The following CSMD3 variants were observed in gnomAD, a reference collection of about 807,000 sequenced individuals.
CSMD3 encodes the protein CUB and Sushi multiple domains 3, also known as CUB and sushi domain-containing protein 3.
In CSMD3, 177 loss-of-function variants were observed where a neutral mutation model predicts 435.2. That is an observed-to-expected ratio of 0.41 (90% confidence interval 0.36 to 0.46). The LOEUF is 0.46. Ranked by LOEUF, CSMD3 falls within the 20% of genes least tolerant of loss-of-function variation. The pLI is 0.34. For synonymous variants in CSMD3, 1,656 were observed against 1,520.5 expected (o/e 1.09, Z -2.07); for missense variants, 4,265 against 4,504.6 (o/e 0.95, Z 1.52).
Position 112,860,881 on chromosome 8 carries a change from G to T in CSMD3, c.1634-1615C>A, listed in dbSNP as rs878859952. 2.7e-5 allele frequency among the ~76,000 whole-genome samples: 3 copies of T among 110,722 alleles called. No homozygotes were observed. In the Admixed American group the frequency reaches 3.3e-4, roughly 12 times the overall value. The allele number at this position is 110,722 out of a possible 152,430, so 72.6% of individuals were successfully genotyped here. On this transcript the variant is annotated intron_variant, in intron 10 of 70. Coordinates refer to ENST00000297405, the MANE Select transcript of CSMD3 (RefSeq NM_198123.2). ...TTTCTATTTGTTCAATGGTTTCTCT[G>T]AATAGTTAAACTAATTCATTTCTAT...
intron 12 of CSMD3, among the ~76,000 whole-genome samples, chr8:112,828,690 A>T (rs1007987603): frequency 1.3e-5 from 2 of 152,222 alleles, no homozygotes; most frequent in Admixed American, 6.5e-5. Flanking sequence ...CATATAAAGC[A>T]TGTAAAATGC....
chr8:112,793,480 A>G (rs2078745931), intron 13 of CSMD3, among the ~76,000 whole-genome samples: 1 of 152,122 alleles, frequency 6.6e-6, no homozygotes, highest in Non-Finnish European at 1.5e-5. Context: ...GAACTATAGT[A>G]TAGACTATTT....
intron 50 of CSMD3, 141 bp from the exon 51 acceptor site, chr8:112,306,333 T>C: frequency 1.4e-6 from 1 of 691,338 alleles, no homozygotes; most frequent in East Asian, 2.7e-5. Flanking sequence ...ATCACAGAAA[T>C]ACTTTCCGAA....
chr8:112,839,474 T>A (rs1228744715), intron 11 of CSMD3, among the ~76,000 whole-genome samples: 1 of 151,792 alleles, frequency 6.6e-6, no homozygotes, highest in Non-Finnish European at 1.5e-5. Flanking sequence ...GAGGATATAA[T>A]TTAAATTCCA....
At chr8:112,854,516 G>C (rs561040533) in intron 11 of CSMD3, among the ~76,000 whole-genome samples, 3 of 152,288 alleles carry the variant, frequency 2.0e-5, no homozygotes, top group African/African-American at 7.2e-5. Flanking sequence ...ATCATGGTCA[G>C]AGAACAAGAG....
chr8:112,297,867 T>C (rs1187201724), intron 53 of CSMD3, among the ~76,000 whole-genome samples: 2 of 152,072 alleles, frequency 1.3e-5, no homozygotes, highest in Non-Finnish European at 2.9e-5. Flanking sequence ...ATGCCTATAA[T>C]TCCAGCACTT....
intron 1 of CSMD3, among the ~76,000 whole-genome samples, chr8:113,400,883 G>C (rs1171749913): frequency 6.6e-6 from 1 of 151,692 alleles, no homozygotes; most frequent in South Asian, 2.1e-4. Flanking sequence ...TGGTTGGAGA[G>C]TATTTATAAT....
At chr8:113,193,631 GGA>G (rs1424825769) in intron 3 of CSMD3, among the ~76,000 whole-genome samples, 1 of 151,400 alleles carries the variant, frequency 6.6e-6, no homozygotes, top group East Asian at 2.0e-4. Context: ...ATGGGTTTCA[GGA>G]GAGAGTAATA....
chr8:112,470,117 C>T (rs1248113622), intron 32 of CSMD3, among the ~76,000 whole-genome samples: 2 of 152,116 alleles, frequency 1.3e-5, no homozygotes, highest in African/African-American at 4.8e-5. Flanking sequence ...TGTTTACTAC[C>T]ATTATCCTAC....
chr8:112,264,542 A>T (rs984644226), intron 60 of CSMD3, among the ~76,000 whole-genome samples: 1 of 152,116 alleles, frequency 6.6e-6, no homozygotes, highest in African/African-American at 2.4e-5. Flanking sequence ...TATCTAATTC[A>T]TATCAGTATG....
intron 62 of CSMD3, among the ~76,000 whole-genome samples, 165 bp downstream of exon 62, chr8:112,255,089 G>A (rs529919535): frequency 6.6e-6 from 1 of 152,080 alleles, no homozygotes; most frequent in South Asian, 2.1e-4. Flanking sequence ...AATTAATGTT[G>A]TATTTTCTAC....
At chr8:112,430,288 G>T (rs1563936309) in intron 32 of CSMD3, among the ~76,000 whole-genome samples, 3 of 151,882 alleles carry the variant, frequency 2.0e-5, no homozygotes, top group South Asian at 2.1e-4. Flanking sequence ...TGGGAAAAAA[G>T]AAAGCAGTTA....
intron 24 of CSMD3, among the ~76,000 whole-genome samples, chr8:112,559,307 A>C (rs1485699433): frequency 6.6e-6 from 1 of 151,898 alleles, no homozygotes; most frequent in African/African-American, 2.4e-5. Context: ...AAATAGATAT[A>C]TTTACATTAC....
rs763294231 is a variant in CSMD3 at position 112,947,773 on chromosome 8, A to G, written c.1508+17T>C. On this transcript the variant is annotated intron_variant, in intron 9 of 70. Coordinates refer to ENST00000297405, the MANE Select transcript of CSMD3 (RefSeq NM_198123.2). ...CTTGACAAGATAAATAATGAAGTCA[A>G]TATTTTAAAATATTACCTAAAATCT... 8 of 975,726 alleles carry G rather than the reference A, an allele frequency of 8.2e-6. No homozygotes were observed. The highest frequency in any genetic ancestry group is 1.2e-5 in the Non-Finnish European group (7 of 601,624). 60.4% of individuals were successfully genotyped at this position (975,726 alleles called of 1,614,324 possible).
Position 112,245,914 on chromosome 8 carries a change from A to C in CSMD3, c.10222+1106T>G, listed in dbSNP as rs1208824910. ...AGTAAGTATTGATAAGGAAAACTAC[A>C]GTCTGTCTCTACTGCCATCTTAAGC... On this transcript the variant is annotated intron_variant, in intron 64 of 70. Coordinates refer to ENST00000297405, the MANE Select transcript of CSMD3 (RefSeq NM_198123.2). Among the ~76,000 whole-genome samples, 3 of 152,210 alleles carry C rather than the reference A, an allele frequency of 2.0e-5. No homozygotes were observed. In the South Asian group the frequency reaches 6.2e-4, roughly 31 times the overall value.
intron 12 of CSMD3, among the ~76,000 whole-genome samples, chr8:112,807,681 T>C (rs528639960): frequency 6.4e-4 from 97 of 152,276 alleles, no homozygotes; most frequent in South Asian, 1.0e-3. Context: ...GTCAGATCAG[T>C]AACCATTTGT....
At chr8:112,336,530 T>C in intron 44 of CSMD3, 122 bp downstream of exon 44, 1 of 804,514 alleles carries the variant, frequency 1.2e-6, no homozygotes, top group Non-Finnish European at 2.1e-6. Context: ...CACCCTCAGT[T>C]ACTCACATCA....
intron 22 of CSMD3, among the ~76,000 whole-genome samples, chr8:112,634,113 A>G (rs10098270): frequency 1 from 151,898 of 152,070 alleles, 75,867 homozygotes; most frequent in Non-Finnish European, 1. Flanking sequence ...GGTATATGAA[A>G]TAAAAAGTAC....
At chr8:112,438,313 AT>A (rs1814598715) in intron 32 of CSMD3, among the ~76,000 whole-genome samples, 2 of 152,152 alleles carry the variant, frequency 1.3e-5, no homozygotes, top group Non-Finnish European at 1.5e-5. Context: ...ATAAATTTTG[AT>A]TTCTGGTTAT....
Sources: allele counts gnomAD v4.1 joint callset (sites outside exome capture counted in the v4.1 genomes callset), GRCh38; gene constraint gnomAD v4.1.1; transcripts MANE v1.5; gene names NCBI Gene and HGNC (gene_info 2026-07-23, HGNC 2026-07-21).